Variants in GXYLT1 observed in about 807,000 individuals in gnomAD.
GXYLT1 encodes the protein glycosyltransferase 8 domain containing 3.
Under a neutral mutation model 54.0 loss-of-function variants are expected in GXYLT1, and 29 were observed. That is an observed-to-expected ratio of 0.54 (90% CI 0.40 to 0.73). GXYLT1 has a LOEUF of 0.73. Among genes scored for constraint, GXYLT1 ranks in the 30% least tolerant of loss-of-function variants. The pLI, the probability that GXYLT1 is intolerant of heterozygous loss-of-function variation, is 0.00. For missense variants in GXYLT1, 490 were observed against 553.4 expected (o/e 0.89, Z 1.15); for synonymous variants, 176 against 204.1 (o/e 0.86, Z 1.17).
At position 42,121,179 on chromosome 12, in the gene GXYLT1, T is replaced by A. The variant is rs1464189766; in HGVS notation, c.315-2008A>T. Reference sequence around the variant, plus strand: ...TCATTACAGCATCATGATTTAAGAATCAATAACAGGCTCGGATTGCTTTAC... The same window carrying A: ...TCATTACAGCATCATGATTTAAGAAACAATAACAGGCTCGGATTGCTTTAC... On this transcript the variant is annotated intron_variant, in intron 2 of 7. Transcript: ENST00000398675. Among the ~76,000 whole-genome samples the A allele has an allele frequency of 3.3e-5, 5 of 152,114 alleles. No individual in the cohort carries two copies. In the East Asian group the frequency reaches 7.7e-4, roughly 23 times the overall value.
At chr12:42,140,220 TA>T (rs1309998710) in intron 1 of GXYLT1, among the ~76,000 whole-genome samples, 3 of 89,254 alleles carry the variant, frequency 3.4e-5, no homozygotes, top group Non-Finnish European at 6.7e-5. Flanking sequence ...GGGACTTCAC[TA>T]AAAACAGTAG....
At chr12:42,088,527 T>C (rs1038944218) in intron 7 of GXYLT1, among the ~76,000 whole-genome samples, 1 of 152,118 alleles carries the variant, frequency 6.6e-6, no homozygotes, top group Non-Finnish European at 1.5e-5. Flanking sequence ...GTCTAAAAAG[T>C]AAAACAGAAA....
intron 1 of GXYLT1, among the ~76,000 whole-genome samples, chr12:42,144,038 G>A (rs538191939): frequency 8.5e-5 from 13 of 152,080 alleles, no homozygotes; most frequent in Admixed American, 7.2e-4. Flanking sequence ...CACTGAACTA[G>A]GGCGCCAGCC....
chr12:42,110,990 T>C (rs2065450630), intron 3 of GXYLT1, among the ~76,000 whole-genome samples: 2 of 152,226 alleles, frequency 1.3e-5, no homozygotes, highest in South Asian at 4.1e-4. Context: ...TTCAGCCAGG[T>C]GTAAACACAA....
rs148559584 is a variant in GXYLT1 at position 42,141,967 on chromosome 12, T to C, written c.221+2459A>G. Among the ~76,000 whole-genome samples, 786 of 152,348 alleles carry C rather than the reference T, an allele frequency of 5.2e-3. 7 individuals are homozygous for C. The highest frequency in any genetic ancestry group is 9.0e-3 in the Non-Finnish European group (613 of 68,030). ...TCGTCATGAAATTCTATACCATGAATAGTTTTTATAAGATCTGACCAATGG... is the reference window on the plus strand; with the variant it reads ...TCGTCATGAAATTCTATACCATGAACAGTTTTTATAAGATCTGACCAATGG... On this transcript the variant is annotated intron_variant, in intron 1 of 7. Transcript: ENST00000398675.
chr12:42,097,408 C>T, intron 7 of GXYLT1, 34 bp downstream of exon 7: 2 of 1,502,546 alleles, frequency 1.3e-6, no homozygotes, highest in Non-Finnish European at 1.8e-6. Flanking sequence ...TATTTTCAAA[C>T]AAAAAGTTAA....
At chr12:42,100,142 T>TG (rs1466212448) in intron 5 of GXYLT1, among the ~76,000 whole-genome samples, 1 of 152,128 alleles carries the variant, frequency 6.6e-6, no homozygotes, top group Non-Finnish European at 1.5e-5. Context: ...AATGAGAACT[T>TG]GGTGTTGGAA....
chr12:42,099,176 T>C (rs1209658328), intron 5 of GXYLT1, among the ~76,000 whole-genome samples: 1 of 152,150 alleles, frequency 6.6e-6, no homozygotes, highest in Non-Finnish European at 1.5e-5. Context: ...ACTGTAAGCT[T>C]TGCTATCAGA....
chr12:42,099,571 T>C (rs1402475980), intron 5 of GXYLT1, among the ~76,000 whole-genome samples: 1 of 152,134 alleles, frequency 6.6e-6, no homozygotes, highest in Non-Finnish European at 1.5e-5. Context: ...ATAGTTATGA[T>C]GTCAGGCACA....
At chr12:42,139,863 T>C (rs183939931) in intron 1 of GXYLT1, among the ~76,000 whole-genome samples, 58 of 152,234 alleles carry the variant, frequency 3.8e-4, no homozygotes, top group African/African-American at 1.3e-3. Context: ...CTCAACTCTC[T>C]TCTTCAAACA....
rs1035491260 is a variant in GXYLT1 at position 42,086,022 on chromosome 12, G to A, written c.*1764C>T. 6.6e-6 allele frequency: 1 copy of A among 151,960 alleles called. No homozygotes were observed. The highest frequency in any genetic ancestry group is 2.4e-5 in the African/African-American group (1 of 41,382). 9.4% of individuals were successfully genotyped at this position (151,960 alleles called of 1,614,324 possible). A position where few individuals can be genotyped will look rare whatever the true frequency, so the allele number is the denominator to read the frequency against. ...GACACAGCATGCCAGAGTCTCCAAA[G>A]GCCTAGCTCAGGAATCTATTCTTAA... On this transcript the variant is annotated 3_prime_UTR_variant, in exon 8 of 8. Transcript: ENST00000398675.
At chr12:42,111,439 C>G (rs763378829) in intron 3 of GXYLT1, among the ~76,000 whole-genome samples, 1 of 152,198 alleles carries the variant, frequency 6.6e-6, no homozygotes, top group African/African-American at 2.4e-5. Context: ...CCTAATACTG[C>G]GCTTTTCCAA....
intron 1 of GXYLT1, among the ~76,000 whole-genome samples, chr12:42,142,800 G>A (rs1362099582): frequency 6.6e-6 from 1 of 152,014 alleles, no homozygotes; most frequent in Non-Finnish European, 1.5e-5. Context: ...CTGCCCAAAT[G>A]GTTTCTTATG....
chr12:42,131,185 A>C (rs1371546594), intron 1 of GXYLT1, among the ~76,000 whole-genome samples: 1 of 152,226 alleles, frequency 6.6e-6, no homozygotes, highest in East Asian at 1.9e-4. Context: ...ATTTCTTTTC[A>C]AAATAATAGT....
Position 42,129,897 on chromosome 12 carries a change from T to A in GXYLT1, c.222-46A>T, listed in dbSNP as rs780748245. Reference sequence around the variant, plus strand: ...TAAGAGTCCTGTGTGAGTATTTTGGTTTGGAACTAACAAGGAATTTACTCA... The same window carrying A: ...TAAGAGTCCTGTGTGAGTATTTTGGATTGGAACTAACAAGGAATTTACTCA... On this transcript the variant is annotated intron_variant, in intron 1 of 7. Transcript: ENST00000398675. 7.1e-6 allele frequency: 9 copies of A among 1,266,212 alleles called. No individual in the cohort carries two copies. The South Asian group carries it at 1.1e-4, about 16-fold the overall frequency. The allele number at this position is 1,266,212 out of a possible 1,614,324, so 78.4% of individuals were successfully genotyped here. A position where few individuals can be genotyped will look rare whatever the true frequency, so the allele number is the denominator to read the frequency against.
rs1290084531 is a variant in GXYLT1, at chr12:42,087,206, C to T, written c.*580G>A. On this transcript the variant is annotated 3_prime_UTR_variant, in exon 8 of 8. Transcript: ENST00000398675. ...ACACAGCTCAATTTTTAACATGCAG[C>T]TTACTTGTAATCTAAAAATAATTTT... The T allele has an allele frequency of 1.3e-5, 2 of 152,340 alleles. No individual in the cohort carries two copies. Among genetic ancestry groups the T allele is most frequent in the African/African-American group, 2.4e-5 (1 of 41,426 alleles). The allele number at this position is 152,340 out of a possible 1,614,324, so 9.4% of individuals were successfully genotyped here.
chr12:42,137,682 G>T (rs1465629113), intron 1 of GXYLT1, among the ~76,000 whole-genome samples: 1 of 149,492 alleles, frequency 6.7e-6, no homozygotes, highest in African/African-American at 2.5e-5. Context: ...GCGTGAACCC[G>T]GGAGGCGGAG....
intron 5 of GXYLT1, among the ~76,000 whole-genome samples, chr12:42,104,311 G>A (rs2065407206): frequency 6.7e-6 from 1 of 150,068 alleles, no homozygotes; most frequent in South Asian, 2.1e-4. Flanking sequence ...AGATCACTGT[G>A]CACAGTCTAA....
intron 3 of GXYLT1, among the ~76,000 whole-genome samples, chr12:42,112,891 G>A (rs1804878748): frequency 6.6e-6 from 1 of 151,190 alleles, no homozygotes; most frequent in Admixed American, 6.6e-5. Context: ...GAAAGGTCGG[G>A]TTACCCTCAA....
Sources: allele counts gnomAD v4.1 joint callset (sites outside exome capture counted in the v4.1 genomes callset), GRCh38; gene constraint gnomAD v4.1.1; transcripts MANE v1.5; gene names NCBI Gene and HGNC (gene_info 2026-07-23, HGNC 2026-07-21).